TGOLN2: variants seen among roughly 807,000 people sequenced by gnomAD.
The protein encoded by TGOLN2 is trans-golgi network protein 2.
A neutral mutation model predicts 31.3 loss-of-function variants in TGOLN2; 19 were observed. That is an observed-to-expected ratio of 0.61 (90% CI 0.42 to 0.89). The LOEUF (loss-of-function observed/expected upper bound fraction) is 0.89. Among genes scored for constraint, TGOLN2 ranks in the 40% least tolerant of loss-of-function variants. TGOLN2 has a pLI of 0.00. For synonymous variants in TGOLN2, 222 were observed against 226.7 expected (o/e 0.98, Z 0.19); for missense variants, 540 against 559.2 (o/e 0.97, Z 0.35).
chr2:85,327,760 G>C lies in TGOLN2; in HGVS notation c.47-75C>G, dbSNP rs988255929. 27 of 1,514,576 alleles carry C rather than the reference G, an allele frequency of 1.8e-5. 1 individual carries two copies. In the African/African-American group the frequency reaches 2.6e-4, roughly 15 times the overall value. The allele number at this position is 1,514,576 out of a possible 1,614,324, so 93.8% of individuals were successfully genotyped here. On this transcript the variant is annotated intron_variant, in intron 1 of 3. Transcript: ENST00000377386. Reference sequence around the variant, plus strand: ...GAACTCCTCAGAACTGGAAGAGATCGGGAGCAGCGGGGGAATGGGGATTGG... The same window carrying C: ...GAACTCCTCAGAACTGGAAGAGATCCGGAGCAGCGGGGGAATGGGGATTGG...
intron 3 of TGOLN2, among the ~76,000 whole-genome samples, chr2:85,322,993 T>C (rs903532535): frequency 6.6e-6 from 1 of 152,182 alleles, no homozygotes; most frequent in Non-Finnish European, 1.5e-5. Flanking sequence ...TTTCTTCTTT[T>C]TTGAGACGGA....
rs1682580868 is a variant in TGOLN2 at position 85,322,476 on chromosome 2, G to C, written c.*260C>G. 1.7e-6 allele frequency: 1 copy of C among 602,786 alleles called. No homozygotes were observed. Among genetic ancestry groups the C allele is most frequent in the Non-Finnish European group, 2.8e-6 (1 of 359,690 alleles). 37.3% of individuals were successfully genotyped at this position (602,786 alleles called of 1,614,324 possible). A position where few individuals can be genotyped will look rare whatever the true frequency, so the allele number is the denominator to read the frequency against. On this transcript the variant is annotated 3_prime_UTR_variant, in exon 4 of 4. Transcript: ENST00000377386. The stretch of plus-strand genomic sequence containing the variant: ...GATGGAAGCCACCAGCATAAATAAA[G>C]GGAACACAGAAGAACAATGTCACCA...
In TGOLN2 at chr2:85,319,878, G is replaced by A. The variant is rs1426141776; in HGVS notation, c.*2858C>T. The A allele has an allele frequency of 6.6e-6, 1 of 152,290 alleles. No homozygotes were observed. 9.4% of individuals were successfully genotyped at this position (152,290 alleles called of 1,614,324 possible). The stretch of plus-strand genomic sequence containing the variant: ...TTAGTTTTCTTAGGGAGACCAGAAA[G>A]ACATCAGATCCTGACTGCCCTGTTT... On this transcript the variant is annotated 3_prime_UTR_variant, in exon 4 of 4. Transcript: ENST00000377386.
rs561561312 is a variant in TGOLN2, at chr2:85,327,904, T to C, written c.46+13A>G. 3 of 1,595,794 alleles carry C rather than the reference T, an allele frequency of 1.9e-6. No homozygotes were observed. In the African/African-American group the frequency reaches 4.0e-5, roughly 21 times the overall value. ...CTGGGGGCAAGAGTGGGATGCGGGA[T>C]GGAGGGTCTTACCCGCCGCTGCGAC... is the stretch of plus-strand genomic sequence containing the variant. On this transcript the variant is annotated intron_variant, in intron 1 of 3. Transcript: ENST00000377386.
rs1157306021 is a variant in TGOLN2, at chr2:85,322,448, A to G, written c.*288T>C. 9 of 521,464 alleles carry G rather than the reference A, an allele frequency of 1.7e-5. No individual in the cohort carries two copies. Among genetic ancestry groups the G allele is most frequent in the Admixed American group, 4.0e-5 (1 of 25,278 alleles). The allele number at this position is 521,464 out of a possible 1,614,324, so 32.3% of individuals were successfully genotyped here. A position where few individuals can be genotyped will look rare whatever the true frequency, so the allele number is the denominator to read the frequency against. On this transcript the variant is annotated 3_prime_UTR_variant, in exon 4 of 4. Coordinates refer to ENST00000377386, the MANE Select transcript of TGOLN2 (RefSeq NM_006464.4). ...CCCTCCACTCACCCTCAGAGGAGGAACGGATGGAAGCCACCAGCATAAATA... is the reference window on the plus strand; with the variant it reads ...CCCTCCACTCACCCTCAGAGGAGGAGCGGATGGAAGCCACCAGCATAAATA...
chr2:85,326,444 C>A, intron 2 of TGOLN2, 64 bp downstream of exon 2: 1 of 1,542,178 alleles, frequency 6.5e-7, no homozygotes, highest in Admixed American at 1.8e-5. Context: ...GGATACCCAC[C>A]CACACCCAAG....
intron 3 of TGOLN2, 123 bp downstream of exon 3, chr2:85,324,792 C>T: frequency 1.2e-6 from 1 of 848,966 alleles, no homozygotes; most frequent in Non-Finnish European, 2.0e-6. Flanking sequence ...GCAACAGCAA[C>T]AGCAACCGCA....
chr2:85,318,371 G>A lies in TGOLN2; in HGVS notation c.*4365C>T, dbSNP rs1682441015. The A allele has an allele frequency of 6.6e-6, 1 of 152,176 alleles. No individual in the cohort carries two copies. The highest frequency in any genetic ancestry group is 2.4e-5 in the African/African-American group (1 of 41,428). The allele number at this position is 152,176 out of a possible 1,614,324, so 9.4% of individuals were successfully genotyped here. A position where few individuals can be genotyped will look rare whatever the true frequency, so the allele number is the denominator to read the frequency against. On this transcript the variant is annotated 3_prime_UTR_variant, in exon 4 of 4. Coordinates refer to ENST00000377386, the MANE Select transcript of TGOLN2 (RefSeq NM_006464.4). ...TACTGGCAGTTTGACATACTATACA[G>A]CTCAGACCCAAACCCTTCACAGAGA... is the stretch of plus-strand genomic sequence containing the variant.
At position 85,319,879 on chromosome 2, in the gene TGOLN2, A is replaced by C. The variant is rs539007180; in HGVS notation, c.*2857T>G. 1 of 152,392 alleles carries C rather than the reference A, an allele frequency of 6.6e-6. No individual in the cohort carries two copies. Among genetic ancestry groups the C allele is most frequent in the South Asian group, 2.1e-4 (1 of 4,826 alleles). The allele number at this position is 152,392 out of a possible 1,614,324, so 9.4% of individuals were successfully genotyped here. A position where few individuals can be genotyped will look rare whatever the true frequency, so the allele number is the denominator to read the frequency against. ...TAGTTTTCTTAGGGAGACCAGAAAG[A>C]CATCAGATCCTGACTGCCCTGTTTT... On this transcript the variant is annotated 3_prime_UTR_variant, in exon 4 of 4. Coordinates refer to ENST00000377386, the MANE Select transcript of TGOLN2 (RefSeq NM_006464.4).
chr2:85,323,426 C>A (rs947895121), intron 3 of TGOLN2, among the ~76,000 whole-genome samples: 1 of 151,978 alleles, frequency 6.6e-6, no homozygotes, highest in African/African-American at 2.4e-5. Flanking sequence ...ATTAGCTGGG[C>A]GTGGTGGTGG....
rs1682549623 is a variant in TGOLN2, at chr2:85,321,529, A to G, written c.*1207T>C. 1 of 152,640 alleles carries G rather than the reference A, an allele frequency of 6.6e-6. No individual in the cohort carries two copies. The highest frequency in any genetic ancestry group is 2.4e-5 in the African/African-American group (1 of 41,440). The allele number at this position is 152,640 out of a possible 1,614,324, so 9.5% of individuals were successfully genotyped here. ...GCATGATTAGAAAAGATAAACCTTC[A>G]AACAATAGTGTTGTCCAAGACACTA... On this transcript the variant is annotated 3_prime_UTR_variant, in exon 4 of 4. Coordinates refer to ENST00000377386, the MANE Select transcript of TGOLN2 (RefSeq NM_006464.4).
chr2:85,326,419 G>A (rs989342509), intron 2 of TGOLN2, 89 bp downstream of exon 2: 7 of 1,298,366 alleles, frequency 5.4e-6, no homozygotes, highest in Admixed American at 2.1e-5. Flanking sequence ...CAGTGCTCAC[G>A]GGCATCTAGT....
chr2:85,326,989 C>T lies in TGOLN2; in HGVS notation c.743G>A (p.Ser248Asn). 4 of 1,613,988 alleles carry T rather than the reference C, an allele frequency of 2.5e-6. No individual in the cohort carries two copies. Among genetic ancestry groups the T allele is most frequent in the Non-Finnish European group, 3.4e-6 (4 of 1,179,884 alleles). The change falls in exon 2 of 4, where the codon AGC becomes AAC. Residue 248 changes from serine to asparagine, a missense_variant. Ser to Asn is a conservative substitution (Grantham distance 46). Coordinates refer to ENST00000377386, the MANE Select transcript of TGOLN2 (RefSeq NM_006464.4). ...SGAEEQTSKDSPNKVVPEQPS... is the reference protein window; with the variant it reads ...SGAEEQTSKDNPNKVVPEQPS... ...CTGCTCTGGAACCACCTTGTTAGGGCTGTCTTTTGAGGTCTGCTCCTCCGC... is the reference window on the plus strand; with the variant it reads ...CTGCTCTGGAACCACCTTGTTAGGGTTGTCTTTTGAGGTCTGCTCCTCCGC...
rs1682438308 is a variant in TGOLN2 at position 85,318,316 on chromosome 2, G to A, written c.*4420C>T. ...AAACATGAAGTCTGGTGCATTAAAG[G>A]AATATCTATCAGAGGGTGAGGGGCT... is the stretch of plus-strand genomic sequence containing the variant. On this transcript the variant is annotated 3_prime_UTR_variant, in exon 4 of 4. Transcript: ENST00000377386. The A allele has an allele frequency of 6.6e-6, 1 of 152,140 alleles. No homozygotes were observed. The highest frequency in any genetic ancestry group is 6.5e-5 in the Admixed American group (1 of 15,270). 9.4% of individuals were successfully genotyped at this position (152,140 alleles called of 1,614,324 possible).
In TGOLN2 at chr2:85,322,460, C is replaced by T. The variant is rs1682580484; in HGVS notation, c.*276G>A. ...CCTCAGAGGAGGAACGGATGGAAGC[C>T]ACCAGCATAAATAAAGGGAACACAG... On this transcript the variant is annotated 3_prime_UTR_variant, in exon 4 of 4. Transcript: ENST00000377386. The T allele has an allele frequency of 5.4e-6, 3 of 558,724 alleles. No individual in the cohort carries two copies. In the South Asian group the frequency reaches 6.8e-5, roughly 13 times the overall value. The allele number at this position is 558,724 out of a possible 1,614,324, so 34.6% of individuals were successfully genotyped here. A position where few individuals can be genotyped will look rare whatever the true frequency, so the allele number is the denominator to read the frequency against.
In TGOLN2 at chr2:85,326,934, G is replaced by C; in HGVS notation, c.798C>G (p.Ile266Met). The change falls in exon 2 of 4, where the codon ATC (isoleucine) becomes ATG (methionine). Residue 266 changes from isoleucine to methionine, a missense_variant. Ile to Met is a conservative substitution (Grantham distance 10). Coordinates refer to ENST00000377386, the MANE Select transcript of TGOLN2 (RefSeq NM_006464.4). ...GCTCCTTGTTATCAGAAGGGTTGGA[G>C]ATGGGCTTGGAATGGTCTTTCCGGG... ...QPSRKDHSKPISNPSDNKELP... is the reference protein window; with the variant it reads ...QPSRKDHSKPMSNPSDNKELP... The C allele has an allele frequency of 6.2e-7, 1 of 1,613,994 alleles. No homozygotes were observed. Among genetic ancestry groups the C allele is most frequent in the Non-Finnish European group, 8.5e-7 (1 of 1,179,836 alleles).
Position 85,326,706 on chromosome 2 carries a change from C to T in TGOLN2, c.1026G>A (p.Glu342=), listed in dbSNP as rs185527151. Residue 342 remains glutamate (E), a synonymous_variant, in exon 2 of 4, where the codon GAG becomes GAA. Coordinates refer to ENST00000377386, the MANE Select transcript of TGOLN2 (RefSeq NM_006464.4). The stretch of plus-strand genomic sequence containing the variant: ...AGGCAGAACCGGACATCTTTTCTTT[C>T]TCTTCTTTGGGCGGTGAGCCCTCCT... The part of the protein sequence containing the change: ...GPEEGSPPKE[E]KEKMSGSASS... 230 of 1,614,052 alleles carry T rather than the reference C, an allele frequency of 1.4e-4. No homozygotes were observed. The African/African-American group carries it at 2.9e-3, about 20-fold the overall frequency.
chr2:85,327,791 G>C, intron 1 of TGOLN2, 106 bp from the exon 2 acceptor site: 1 of 1,479,146 alleles, frequency 6.8e-7, no homozygotes, highest in Non-Finnish European at 9.2e-7. Context: ...ATTGGGGGGT[G>C]GGGCGGGAGA....
rs1251182697 is a variant in TGOLN2, at chr2:85,324,970, C to A, written c.1253G>T (p.Arg418Ile). The change falls in exon 3 of 4, where the codon AGA (arginine) becomes ATA (isoleucine). Residue 418 changes from arginine to isoleucine, a missense_variant. By Grantham distance (97) the Arg-to-Ile change is moderately conservative (BLOSUM62 -3). Coordinates refer to ENST00000377386, the MANE Select transcript of TGOLN2 (RefSeq NM_006464.4). ...CTTTGGCCGCCGGGTGACTTTAGAT[C>A]TTTTTCCTTCCAGGACAAAAGCAAT... The part of the protein sequence containing the change: ...KIIAFVLEGK[R>I]SKVTRRPKAS... The A allele has an allele frequency of 6.4e-7, 1 of 1,553,354 alleles. No homozygotes were observed. The highest frequency in any genetic ancestry group is 1.2e-5 in the South Asian group (1 of 84,216).
Sources: gnomAD v4.1 joint callset for allele counts (sites outside exome capture counted in the v4.1 genomes callset) on GRCh38, gnomAD v4.1.1 for gene constraint, MANE v1.5 for transcripts, NCBI Gene and HGNC (gene_info 2026-07-23, HGNC 2026-07-21) for gene names.